Variants in RAD51 observed in about 807,000 individuals in gnomAD.
RAD51 encodes RAD51 recombinase.
RAD51 carries 14 observed loss-of-function variants against 41.5 expected under a neutral mutation model. That is an observed-to-expected ratio of 0.34 (90% CI 0.22 to 0.53). The LOEUF is 0.53. Ranked by LOEUF, RAD51 falls within the 20% of genes least tolerant of loss-of-function variation. RAD51 has a pLI of 0.95. For missense variants in RAD51, 234 were observed against 422.0 expected (o/e 0.55, Z 3.90); for synonymous variants, 136 against 148.6 (o/e 0.92, Z 0.62).
At chr15:40,727,362 G>A (rs12439683) in intron 6 of RAD51, among the ~76,000 whole-genome samples, 74,800 of 151,874 alleles carry the variant, frequency 0.49, 19,255 homozygotes, top group East Asian at 0.77. Flanking sequence ...AGGATGGAGT[G>A]CAGTGGTGCG....
At chr15:40,700,612 T>C (rs1303087875) in intron 2 of RAD51, among the ~76,000 whole-genome samples, 3 of 152,300 alleles carry the variant, frequency 2.0e-5, no homozygotes, top group African/African-American at 7.2e-5. Context: ...TTAATGTACA[T>C]GGCTTAGTGC....
chr15:40,697,637 GC>G (rs1224091257), intron 1 of RAD51, among the ~76,000 whole-genome samples: 2 of 144,876 alleles, frequency 1.4e-5, no homozygotes, highest in Non-Finnish European at 3.0e-5. Context: ...GAGTGCAGTG[GC>G]GCGATCTTGG....
chr15:40,724,975 C>T (rs1896504311), intron 6 of RAD51, among the ~76,000 whole-genome samples: 1 of 141,028 alleles, frequency 7.1e-6, no homozygotes, highest in South Asian at 2.2e-4. Context: ...TCTCGGCTCA[C>T]TGCAAGCTCC....
At chr15:40,728,135 C>T (rs1000944769) in intron 6 of RAD51, among the ~76,000 whole-genome samples, 14 of 152,282 alleles carry the variant, frequency 9.2e-5, no homozygotes, top group African/African-American at 3.4e-4. Flanking sequence ...GCTAGGATTA[C>T]AGGCGTGAGC....
chr15:40,712,567 T>C (rs745542295), intron 5 of RAD51, among the ~76,000 whole-genome samples: 2 of 152,226 alleles, frequency 1.3e-5, no homozygotes, highest in Non-Finnish European at 2.9e-5. Flanking sequence ...AGTCTTAATG[T>C]TCTCTGGCTT....
intron 5 of RAD51, among the ~76,000 whole-genome samples, chr15:40,711,843 G>A (rs1248815116): frequency 6.6e-5 from 10 of 152,104 alleles, no homozygotes; most frequent in Admixed American, 2.0e-4. Flanking sequence ...GGGAGGCCAC[G>A]GTGGGTGGAT....
chr15:40,726,242 A>AT (rs34696783), intron 6 of RAD51, among the ~76,000 whole-genome samples: 208 of 124,434 alleles, frequency 1.7e-3, no homozygotes, highest in Middle Eastern at 4.1e-3. Context: ...AGGCCCAGGA[A>AT]TTTTTTTTTT....
intron 5 of RAD51, 57 bp from the exon 6 acceptor site, chr15:40,718,748 G>A: frequency 7.1e-7 from 1 of 1,403,194 alleles, no homozygotes; most frequent in Admixed American, 1.7e-5. Flanking sequence ...TGAGGAGCTT[G>A]GTCAGCTGTA....
intron 4 of RAD51, among the ~76,000 whole-genome samples, chr15:40,706,731 C>G: frequency 6.6e-6 from 1 of 152,110 alleles, no homozygotes; most frequent in Admixed American, 6.6e-5. Context: ...GAAGTATCCA[C>G]ATTGAAGAGG....
intron 5 of RAD51, among the ~76,000 whole-genome samples, chr15:40,716,190 A>G (rs771257207): frequency 5.9e-5 from 9 of 152,358 alleles, no homozygotes; most frequent in African/African-American, 1.9e-4. Flanking sequence ...TTTTAAAACA[A>G]TCCCATAAGG....
intron 2 of RAD51, among the ~76,000 whole-genome samples, chr15:40,699,841 C>T (rs1894874186): frequency 6.6e-6 from 1 of 152,212 alleles, no homozygotes; most frequent in Admixed American, 6.5e-5. Context: ...TGTATAGAGA[C>T]TGCCCTGTGA....
In RAD51 at chr15:40,697,087, A is replaced by ATTAT. The variant is rs138109886; in HGVS notation, c.-2-1651_-2-1648dup. Reference sequence around the variant, plus strand: ...ATAGAAGTGCTGAATTTATTTTTTTATTATTTATTTATTTATTTATTTTTC... The same window carrying ATTAT: ...ATAGAAGTGCTGAATTTATTTTTTTATTATTTATTTATTTATTTATTTATTTTTC... On this transcript the variant is annotated intron_variant, in intron 1 of 9. Transcript: ENST00000267868. 3.0e-4 allele frequency among the ~76,000 whole-genome samples: 45 copies of ATTAT among 151,816 alleles called. 1 individual carries two copies. The highest frequency in any genetic ancestry group is 3.3e-4 in the Admixed American group (5 of 15,246).
In RAD51 at chr15:40,729,920, C is replaced by G; in HGVS notation, c.842C>G (p.Ala281Gly). Residue 281 changes from alanine (A) to glycine (G), a missense_variant, in exon 9 of 10, where the codon GCT becomes GGT. Ala to Gly is a moderately conservative substitution (Grantham distance 60). Transcript: ENST00000267868. ...AQVDGAAMFA[A>G]DPKKPIGGNI... is the part of the protein sequence containing the mutation. ...GTGGATGGAGCAGCGATGTTTGCTG[C>G]TGATCCCAAAAAACCTATTGGAGGA... 6.2e-7 allele frequency: 1 copy of G among 1,614,118 alleles called. No homozygotes were observed. The highest frequency in any genetic ancestry group is 8.5e-7 in the Non-Finnish European group (1 of 1,179,976).
intron 1 of RAD51, among the ~76,000 whole-genome samples, chr15:40,697,027 T>A (rs1213119867): frequency 2.0e-5 from 3 of 152,254 alleles, no homozygotes; most frequent in Non-Finnish European, 4.4e-5. Flanking sequence ...TACTGTGGTT[T>A]GACTTGTCAC....
At chr15:40,710,341 A>C (rs1224573424) in intron 5 of RAD51, among the ~76,000 whole-genome samples, 2 of 150,350 alleles carry the variant, frequency 1.3e-5, no homozygotes, top group South Asian at 2.1e-4. Context: ...GTCTCTACTA[A>C]AAATACAAAA....
At chr15:40,730,515 T>TTTTTC (rs1555429744) in intron 9 of RAD51, among the ~76,000 whole-genome samples, 3 of 117,654 alleles carry the variant, frequency 2.5e-5, no homozygotes, top group Non-Finnish European at 3.3e-5. Flanking sequence ...GAAAAAATTT[T>TTTTTC]TTTTCTTTTT....
rs144146083 is a variant in RAD51 at position 40,709,013 on chromosome 15, T to C, written c.344-12T>C. On this transcript the variant is annotated splice_polypyrimidine_tract_variant and intron_variant, in intron 4 of 9. Coordinates refer to ENST00000267868, the MANE Select transcript of RAD51 (RefSeq NM_002875.5). ...GTATTATGCTAAGAGTTATTTCTTA[T>C]CGCTTTTTTAGGTGGAATTGAGACT... 3.5e-5 allele frequency: 56 copies of C among 1,604,082 alleles called. No homozygotes were observed. Among genetic ancestry groups the C allele is most frequent in the Admixed American group, 2.8e-4 (17 of 60,008 alleles).
chr15:40,716,039 A>C (rs899141095), intron 5 of RAD51, among the ~76,000 whole-genome samples: 9 of 152,202 alleles, frequency 5.9e-5, no homozygotes, highest in Admixed American at 5.9e-4. Flanking sequence ...TTATCTGCCA[A>C]ATAGTAACGT....
At chr15:40,730,943 G>A (rs2141886590) in intron 9 of RAD51, 112 bp from the exon 10 acceptor site, 2 of 1,368,640 alleles carry the variant, frequency 1.5e-6, no homozygotes, top group South Asian at 1.2e-5. Context: ...ACATTCCCAG[G>A]GTCCTTCTAG....
Sources: gnomAD v4.1 joint callset for allele counts (sites outside exome capture counted in the v4.1 genomes callset) on GRCh38, gnomAD v4.1.1 for gene constraint, MANE v1.5 for transcripts, NCBI Gene and HGNC (gene_info 2026-07-23, HGNC 2026-07-21) for gene names.